CASQ2: variants seen among roughly 807,000 people sequenced by gnomAD.
CASQ2 encodes calsequestrin 2.
A neutral mutation model predicts 46.5 loss-of-function variants in CASQ2; 49 were observed. That is an observed-to-expected ratio of 1.05 (90% CI 0.84 to 1.34). The LOEUF is 1.34. Among genes scored for constraint, CASQ2 ranks in the 40% most tolerant of loss-of-function variants. The pLI, the probability that CASQ2 is intolerant of heterozygous loss-of-function variation, is 0.00. For missense variants in CASQ2, 486 were observed against 481.3 expected (o/e 1.01, Z -0.09); for synonymous variants, 174 against 168.5 (o/e 1.03, Z -0.25).
At chr1:115,767,062 C>A (rs545093648) in intron 1 of CASQ2, among the ~76,000 whole-genome samples, 5 of 152,078 alleles carry the variant, frequency 3.3e-5, no homozygotes, top group Non-Finnish European at 5.9e-5. Context: ...AATCCTTATG[C>A]CTTCAATTAA....
chr1:115,764,410 C>A (rs1020874272), intron 1 of CASQ2, among the ~76,000 whole-genome samples: 1 of 152,032 alleles, frequency 6.6e-6, no homozygotes. Flanking sequence ...GAAAAAAATA[C>A]TGGAAAGAAA....
At chr1:115,706,176 G>A (rs547928274) in intron 8 of CASQ2, among the ~76,000 whole-genome samples, 3 of 151,794 alleles carry the variant, frequency 2.0e-5, no homozygotes, top group East Asian at 1.9e-4. Context: ...GTGTGCGTGC[G>A]TGTGTGTATG....
intron 1 of CASQ2, among the ~76,000 whole-genome samples, chr1:115,757,931 C>T (rs898449880): frequency 6.6e-6 from 1 of 152,226 alleles, no homozygotes; most frequent in Non-Finnish European, 1.5e-5. Flanking sequence ...ATCCAACCAT[C>T]CAGCAAACAT....
intron 5 of CASQ2, among the ~76,000 whole-genome samples, chr1:115,730,833 A>G (rs1450441896): frequency 1.3e-5 from 2 of 152,144 alleles, no homozygotes; most frequent in Non-Finnish European, 2.9e-5. Flanking sequence ...AGACCTCAAC[A>G]AAGCACCTCC....
chr1:115,704,711 G>C (rs1417070292), intron 9 of CASQ2, among the ~76,000 whole-genome samples: 2 of 152,202 alleles, frequency 1.3e-5, no homozygotes, highest in African/African-American at 4.8e-5. Flanking sequence ...TCGTAGGCTA[G>C]ACACTATGCT....
intron 3 of CASQ2, 124 bp from the exon 4 acceptor site, chr1:115,738,459 C>A: frequency 1.3e-6 from 1 of 746,528 alleles, no homozygotes. Context: ...ATATCTATTC[C>A]ATTCTCCCCA....
At chr1:115,751,272 G>T (rs1648569631) in intron 1 of CASQ2, among the ~76,000 whole-genome samples, 1 of 152,154 alleles carries the variant, frequency 6.6e-6, no homozygotes, top group South Asian at 2.1e-4. Context: ...AATGGAAAGA[G>T]AACAATTATT....
intron 1 of CASQ2, among the ~76,000 whole-genome samples, chr1:115,745,417 C>G (rs1423855975): frequency 6.6e-6 from 1 of 152,098 alleles, no homozygotes; most frequent in East Asian, 1.9e-4. Context: ...GGTGAATAGA[C>G]CTGAGATGTC....
At chr1:115,716,036 C>G (rs960948614) in intron 8 of CASQ2, among the ~76,000 whole-genome samples, 8 of 152,216 alleles carry the variant, frequency 5.3e-5, no homozygotes, top group African/African-American at 1.7e-4. Context: ...GTGGAACCAT[C>G]TCTAGATCTC....
intron 8 of CASQ2, among the ~76,000 whole-genome samples, chr1:115,705,919 G>A (rs1190608538): frequency 6.6e-6 from 1 of 151,912 alleles, no homozygotes; most frequent in African/African-American, 2.4e-5. Flanking sequence ...AAGCAGAGAG[G>A]AGCTTTATAA....
At chr1:115,750,545 T>C (rs532390165) in intron 1 of CASQ2, among the ~76,000 whole-genome samples, 1 of 152,324 alleles carries the variant, frequency 6.6e-6, no homozygotes, top group East Asian at 1.9e-4. Context: ...GTCTCACTCC[T>C]TTGCCCAGGC....
At chr1:115,743,213 A>ATTTATTTG (rs935661179) in intron 2 of CASQ2, among the ~76,000 whole-genome samples, 13 of 151,330 alleles carry the variant, frequency 8.6e-5, no homozygotes, top group African/African-American at 3.2e-4. Context: ...TTATTTATTT[A>ATTTATTTG]TTTATTTATT....
chr1:115,768,439 C>G lies in CASQ2; in HGVS notation c.103G>C (p.Val35Leu), dbSNP rs780579529. Residue 35 changes from valine to leucine, a missense_variant, in exon 1 of 11, where the codon GTA (valine) becomes CTA (leucine). By Grantham distance (32) the Val-to-Leu change is conservative (BLOSUM62 1). Transcript: ENST00000261448. Reference protein sequence around the residue: ...FPTYDGKDRVVSLSEKNFKQV... With the variant: ...FPTYDGKDRVLSLSEKNFKQV... ...TTGAAGTTCTTCTCGGAAAGACTTACCACTCGGTCCTTCCCATCATATGTG... is the reference window on the plus strand; with the variant it reads ...TTGAAGTTCTTCTCGGAAAGACTTAGCACTCGGTCCTTCCCATCATATGTG... 8 of 1,613,292 alleles carry G rather than the reference C, an allele frequency of 5.0e-6. No individual in the cohort carries two copies. In the Admixed American group the frequency reaches 8.3e-5, roughly 17 times the overall value.
At chr1:115,766,069 C>G (rs1028938385) in intron 1 of CASQ2, among the ~76,000 whole-genome samples, 10 of 152,196 alleles carry the variant, frequency 6.6e-5, no homozygotes, top group Non-Finnish European at 1.0e-4. Context: ...CTAATGGAGC[C>G]CAGGCCTCCT....
intron 8 of CASQ2, among the ~76,000 whole-genome samples, chr1:115,706,676 A>G (rs1441990804): frequency 1.3e-5 from 2 of 152,234 alleles, no homozygotes; most frequent in Non-Finnish European, 2.9e-5. Flanking sequence ...GTTGAATACA[A>G]GTAACTCACC....
intron 2 of CASQ2, among the ~76,000 whole-genome samples, chr1:115,742,832 A>C (rs1041993547): frequency 2.0e-5 from 3 of 152,128 alleles, no homozygotes; most frequent in African/African-American, 7.2e-5. Context: ...TCTGTCTCCC[A>C]GGCTGGAGTG....
intron 7 of CASQ2, 60 bp downstream of exon 7, chr1:115,725,448 C>T (rs1157927141): frequency 6.3e-7 from 1 of 1,583,000 alleles, no homozygotes. Context: ...ATCTAAGAAG[C>T]ACTCCTCTTT....
intron 4 of CASQ2, among the ~76,000 whole-genome samples, chr1:115,737,435 G>C (rs377491741): frequency 6.6e-6 from 1 of 152,146 alleles, no homozygotes; most frequent in African/African-American, 2.4e-5. Flanking sequence ...TACTTCCTAC[G>C]TGTATGAATG....
Position 115,717,913 on chromosome 1 carries a change from A to G in CASQ2, c.784-19T>C, listed in dbSNP as rs765442639. ...CATCTTCCTGTATGAGAAAAGTAACAAAAGTTACACTTCCAGCTGGAGGGA... is the reference window on the plus strand; with the variant it reads ...CATCTTCCTGTATGAGAAAAGTAACGAAAGTTACACTTCCAGCTGGAGGGA... On this transcript the variant is annotated intron_variant, in intron 7 of 10. Coordinates refer to ENST00000261448, the MANE Select transcript of CASQ2 (RefSeq NM_001232.4). The G allele has an allele frequency of 7.1e-6, 11 of 1,559,726 alleles. No individual in the cohort carries two copies. The highest frequency in any genetic ancestry group is 3.3e-5 in the Admixed American group (2 of 59,948).
Sources: gnomAD v4.1 joint callset for allele counts (sites outside exome capture counted in the v4.1 genomes callset) on GRCh38, gnomAD v4.1.1 for gene constraint, MANE v1.5 for transcripts, NCBI Gene and HGNC (gene_info 2026-07-23, HGNC 2026-07-21) for gene names.